The following RERE variants were observed in gnomAD, a reference collection of about 807,000 sequenced individuals.
The protein encoded by RERE is arginine-glutamic acid dipeptide repeats, also known as arginine-glutamic acid dipeptide repeats protein.
In RERE, 40 loss-of-function variants were observed where a neutral mutation model predicts 146.1. The observed-to-expected ratio is 0.27, with a 90% CI of 0.21 to 0.36. The LOEUF is 0.36. RERE is among the 10% of genes least tolerant of loss of function. The probability of loss-of-function intolerance (pLI) is 1.00; values close to 1 mark genes in which losing one functional copy is unlikely to be tolerated. For synonymous variants in RERE, 1,003 were observed against 866.0 expected (o/e 1.16, Z -2.78); for missense variants, 1,933 against 2,138.7 (o/e 0.90, Z 1.90).
chr1:8,581,653 A>AGGGATTG (rs1311102086), intron 4 of RERE, among the ~76,000 whole-genome samples: 4 of 152,196 alleles, frequency 2.6e-5, no homozygotes, highest in Non-Finnish European at 5.9e-5. Context: ...TTTTTCACAT[A>AGGGATTG]GGGATTATCC....
At chr1:8,478,695 T>C (rs980084807) in intron 10 of RERE, among the ~76,000 whole-genome samples, 4 of 152,108 alleles carry the variant, frequency 2.6e-5, no homozygotes, top group African/African-American at 9.7e-5. Context: ...CACCAGAGAC[T>C]TGAAAAAGCT....
intron 4 of RERE, among the ~76,000 whole-genome samples, chr1:8,580,736 G>C (rs890683684): frequency 6.6e-6 from 1 of 151,958 alleles, no homozygotes; most frequent in Non-Finnish European, 1.5e-5. Flanking sequence ...TTGGAGACAG[G>C]GTCTCACTGT....
intron 15 of RERE, among the ~76,000 whole-genome samples, chr1:8,363,453 G>C (rs980282601): frequency 6.6e-6 from 1 of 152,180 alleles, no homozygotes; most frequent in East Asian, 1.9e-4. Flanking sequence ...CAGCCTCAAC[G>C]GCATACAAGG....
At chr1:8,501,288 T>C (rs1343492336) in intron 8 of RERE, among the ~76,000 whole-genome samples, 2 of 89,774 alleles carry the variant, frequency 2.2e-5, no homozygotes, top group African/African-American at 4.5e-5. Context: ...TACCGGGAAG[T>C]GAGGACCCCT....
At chr1:8,538,581 G>A (rs911995426) in intron 7 of RERE, among the ~76,000 whole-genome samples, 11 of 152,208 alleles carry the variant, frequency 7.2e-5, no homozygotes, top group African/African-American at 2.7e-4. Context: ...GCAGTAGGCT[G>A]CATTAGCTCC....
At chr1:8,792,097 A>G (rs76882694) in intron 1 of RERE, among the ~76,000 whole-genome samples, 2 of 142,856 alleles carry the variant, frequency 1.4e-5, no homozygotes, top group African/African-American at 5.5e-5. Context: ...CAAAAGAAGG[A>G]AAAAAAAAAA....
At chr1:8,501,260 C>G (rs1309308020) in intron 8 of RERE, among the ~76,000 whole-genome samples, 5 of 138,748 alleles carry the variant, frequency 3.6e-5, no homozygotes, top group Non-Finnish European at 7.9e-5. Flanking sequence ...GTGAGGGGCG[C>G]CTCTGCCCGG....
At chr1:8,689,862 A>G (rs1639173202) in intron 1 of RERE, among the ~76,000 whole-genome samples, 3 of 151,998 alleles carry the variant, frequency 2.0e-5, no homozygotes, top group Admixed American at 1.3e-4. Flanking sequence ...ACTGCCCTAC[A>G]CTTGCATCTC....
intron 4 of RERE, among the ~76,000 whole-genome samples, chr1:8,582,166 T>C (rs1646374450): frequency 6.6e-6 from 1 of 152,166 alleles, no homozygotes; most frequent in Non-Finnish European, 1.5e-5. Context: ...TCTGGTTCAA[T>C]GTAAAATTTT....
At chr1:8,366,088 A>AT (rs1306040872) in intron 12 of RERE, 114 bp from the exon 13 acceptor site, 11 of 1,101,898 alleles carry the variant, frequency 1.0e-5, no homozygotes, top group Non-Finnish European at 1.3e-5. Flanking sequence ...AGAGATGAGA[A>AT]TAAAGACCAG....
At chr1:8,574,126 A>G (rs1646259027) in intron 4 of RERE, among the ~76,000 whole-genome samples, 1 of 152,102 alleles carries the variant, frequency 6.6e-6, no homozygotes, top group African/African-American at 2.4e-5. Context: ...ATTTCCATTA[A>G]TAATTCACTG....
chr1:8,496,261 T>A (rs536741611), intron 9 of RERE, among the ~76,000 whole-genome samples: 157 of 151,708 alleles, frequency 1.0e-3, no homozygotes, highest in Non-Finnish European at 2.0e-3. Flanking sequence ...CACCGTTGAC[T>A]AGAAAACAGC....
intron 1 of RERE, among the ~76,000 whole-genome samples, chr1:8,810,697 T>C (rs1020561924): frequency 2.6e-5 from 4 of 152,158 alleles, no homozygotes; most frequent in African/African-American, 9.7e-5. Context: ...ATCTATCCCA[T>C]GAGTATCTCA....
At chr1:8,577,186 A>G (rs1052453253) in intron 4 of RERE, among the ~76,000 whole-genome samples, 5 of 151,942 alleles carry the variant, frequency 3.3e-5, no homozygotes, top group Admixed American at 1.3e-4. Context: ...GATGAAAGAA[A>G]GAAATTTCAT....
chr1:8,734,351 G>A (rs4908775), intron 1 of RERE, among the ~76,000 whole-genome samples: 26,194 of 152,104 alleles, frequency 0.17, 2,715 homozygotes, highest in Middle Eastern at 0.27. Flanking sequence ...AAGTGGAAAC[G>A]AGATTTTCAT....
intron 1 of RERE, among the ~76,000 whole-genome samples, chr1:8,740,756 C>T (rs1640291105): frequency 6.6e-6 from 1 of 152,136 alleles, no homozygotes; most frequent in Non-Finnish European, 1.5e-5. Context: ...TGCTCTTGCA[C>T]CGCCACATGT....
intron 10 of RERE, among the ~76,000 whole-genome samples, chr1:8,491,118 C>T (rs1644974276): frequency 6.6e-6 from 1 of 150,570 alleles, no homozygotes; most frequent in Non-Finnish European, 1.5e-5. Flanking sequence ...CTCTGGGCAA[C>T]ATTGTGAGAC....
At chr1:8,360,026 G>T (rs1406755856) in intron 18 of RERE, 40 bp from the exon 19 acceptor site, 2 of 1,604,698 alleles carry the variant, frequency 1.2e-6, no homozygotes, top group African/African-American at 1.3e-5. Flanking sequence ...CTCCTGCCGA[G>T]ACCCACCCCG....
intron 10 of RERE, among the ~76,000 whole-genome samples, chr1:8,472,927 C>T (rs1307843298): frequency 6.6e-6 from 1 of 151,688 alleles, no homozygotes; most frequent in Non-Finnish European, 1.5e-5. Flanking sequence ...TTTTCCACAT[C>T]ACTAAACTGC....
Sources: allele counts gnomAD v4.1 joint callset (sites outside exome capture counted in the v4.1 genomes callset), GRCh38; gene constraint gnomAD v4.1.1; transcripts MANE v1.5; gene names NCBI Gene and HGNC (gene_info 2026-07-23, HGNC 2026-07-21).